Variants in QTMAN observed in about 807,000 individuals in gnomAD.
QTMAN encodes tRNA-queuosine alpha-mannosyltransferase.
At chr2:144,222,712 G>A in the QTMAN span, among the ~76,000 whole-genome samples, 2 of 152,092 alleles carry the variant, frequency 1.3e-5, no homozygotes, top group Non-Finnish European at 2.9e-5. Context: ...GGAGGCTGAG[G>A]CAGGAGAATG....
the QTMAN span, among the ~76,000 whole-genome samples, chr2:144,222,708 T>C: frequency 6.6e-6 from 1 of 151,950 alleles, no homozygotes; most frequent in African/African-American, 2.4e-5. Flanking sequence ...CTCGGGAGGC[T>C]GAGGCAGGAG....
At chr2:144,283,034 T>C in the QTMAN span, among the ~76,000 whole-genome samples, 1 of 152,220 alleles carries the variant, frequency 6.6e-6, no homozygotes, top group Non-Finnish European at 1.5e-5. Context: ...GACCTCACCC[T>C]ACACATCTCT....
the QTMAN span, among the ~76,000 whole-genome samples, chr2:144,079,706 T>C: frequency 6.6e-6 from 1 of 152,090 alleles, no homozygotes; most frequent in African/African-American, 2.4e-5. Flanking sequence ...GCCTATTAAA[T>C]GATTCACACA....
the QTMAN span, among the ~76,000 whole-genome samples, chr2:144,309,342 A>G: frequency 5.3e-5 from 8 of 151,028 alleles, no homozygotes; most frequent in Non-Finnish European, 1.2e-4. Context: ...CATTCACTAT[A>G]GGCAAAAAAA....
the QTMAN span, among the ~76,000 whole-genome samples, chr2:144,293,373 G>C: frequency 5.3e-5 from 8 of 152,182 alleles, no homozygotes; most frequent in African/African-American, 1.4e-4. Flanking sequence ...AGCTCTAAGA[G>C]AAAAATTGCT....
the QTMAN span, among the ~76,000 whole-genome samples, chr2:144,114,883 A>T: frequency 1.3e-5 from 2 of 152,164 alleles, no homozygotes; most frequent in Non-Finnish European, 2.9e-5. Context: ...AACATACTGC[A>T]GGCATATGTT....
chr2:144,270,867 C>T, the QTMAN span, among the ~76,000 whole-genome samples: 1 of 152,122 alleles, frequency 6.6e-6, no homozygotes, highest in Non-Finnish European at 1.5e-5. Flanking sequence ...GATAATAACA[C>T]TTAAATGCAA....
chr2:144,222,766 C>T, the QTMAN span, among the ~76,000 whole-genome samples: 1 of 152,052 alleles, frequency 6.6e-6, no homozygotes, highest in African/African-American at 2.4e-5. Flanking sequence ...TGAGATGGCG[C>T]CACTGCATTC....
chr2:144,208,462 C>T, the QTMAN span: 1 of 688,280 alleles, frequency 1.5e-6, no homozygotes, highest in Non-Finnish European at 2.4e-6. Context: ...CTGCTCTGCT[C>T]TCTCTAAAGA....
At chr2:144,048,420 C>T in the QTMAN span, among the ~76,000 whole-genome samples, 5 of 152,178 alleles carry the variant, frequency 3.3e-5, no homozygotes, top group African/African-American at 1.2e-4. Context: ...AAGCTAGGAG[C>T]AGAGGTAAAA....
the QTMAN span, among the ~76,000 whole-genome samples, chr2:144,009,467 C>T: frequency 1.3e-5 from 2 of 152,000 alleles, no homozygotes; most frequent in African/African-American, 2.4e-5. Context: ...GCTGTAGGAC[C>T]CTATGTACAT....
At chr2:144,042,763 CAA>C in the QTMAN span, among the ~76,000 whole-genome samples, 35 of 64,440 alleles carry the variant, frequency 5.4e-4, no homozygotes, top group African/African-American at 8.2e-4. Flanking sequence ...GACTCTGTCT[CAA>C]AAAAAAAAAA....
chr2:144,317,683 AG>A, the QTMAN span: 2 of 152,208 alleles, frequency 1.3e-5, no homozygotes, highest in African/African-American at 4.8e-5. Flanking sequence ...TCATCAGACA[AG>A]GGAGTGGAGG....
chr2:144,324,844 G>C, the QTMAN span, among the ~76,000 whole-genome samples: 2 of 149,284 alleles, frequency 1.3e-5, no homozygotes, highest in East Asian at 3.9e-4. Flanking sequence ...AGACATGCTT[G>C]CTTCCATTTA....
chr2:144,299,676 C>A, the QTMAN span, among the ~76,000 whole-genome samples: 1 of 152,078 alleles, frequency 6.6e-6, no homozygotes, highest in African/African-American at 2.4e-5. Context: ...GTGTACACTG[C>A]TGGTGGGAAT....
chr2:144,098,450 C>T, the QTMAN span, among the ~76,000 whole-genome samples: 2 of 152,164 alleles, frequency 1.3e-5, no homozygotes, highest in Non-Finnish European at 2.9e-5. Context: ...TGCAGTGGCT[C>T]ATGCCTGTAA....
At chr2:144,325,723 C>G in the QTMAN span, among the ~76,000 whole-genome samples, 1 of 146,106 alleles carries the variant, frequency 6.8e-6, no homozygotes, top group Non-Finnish European at 1.5e-5. Flanking sequence ...ACCCCCTCGC[C>G]TCTACACATA....
At chr2:144,305,294 G>A in the QTMAN span, among the ~76,000 whole-genome samples, 5 of 152,006 alleles carry the variant, frequency 3.3e-5, no homozygotes, top group Admixed American at 3.3e-4. Flanking sequence ...TACATGAAAG[G>A]GGTCCAACTT....
chr2:144,322,660 T>C, the QTMAN span, among the ~76,000 whole-genome samples: 2 of 152,158 alleles, frequency 1.3e-5, 1 homozygote, highest in Middle Eastern at 6.3e-3. Flanking sequence ...TAATAGCCCA[T>C]TCAGATAATT....
Sources: allele counts gnomAD v4.1 joint callset (sites outside exome capture counted in the v4.1 genomes callset), GRCh38; gene constraint gnomAD v4.1.1; transcripts MANE v1.5; gene names NCBI Gene and HGNC (gene_info 2026-07-23, HGNC 2026-07-21).